HECW1: variants seen among roughly 807,000 people sequenced by gnomAD.
HECW1 encodes the protein E3 ubiquitin-protein ligase HECW1.
Under a neutral mutation model 182.3 loss-of-function variants are expected in HECW1, and 61 were observed. The ratio of observed to expected loss-of-function variants is 0.33; its 90% CI spans 0.27 to 0.41. The LOEUF is 0.41. HECW1 is among the 10% of genes least tolerant of loss of function. The probability of loss-of-function intolerance (pLI) is 1.00; values close to 1 mark genes in which losing one functional copy is unlikely to be tolerated. For synonymous variants in HECW1, 859 were observed against 832.6 expected (o/e 1.03, Z -0.55); for missense variants, 1,739 against 2,108.9 (o/e 0.82, Z 3.44).
chr7:43,442,161 T>C (rs1466079314), intron 9 of HECW1, among the ~76,000 whole-genome samples: 4 of 152,250 alleles, frequency 2.6e-5, no homozygotes, highest in Non-Finnish European at 5.9e-5. Flanking sequence ...AGATATCCAA[T>C]ACTTTATTAT....
intron 3 of HECW1, among the ~76,000 whole-genome samples, chr7:43,279,058 A>G (rs573899625): frequency 6.6e-6 from 1 of 152,290 alleles, no homozygotes; most frequent in South Asian, 2.1e-4. Flanking sequence ...AGTGATTGAG[A>G]GCAAGGACAG....
At chr7:43,345,851 CAT>C (rs147225359) in intron 5 of HECW1, among the ~76,000 whole-genome samples, 7 of 150,810 alleles carry the variant, frequency 4.6e-5, no homozygotes, top group East Asian at 1.9e-4. Context: ...ACACACACAT[CAT>C]ATATATATAT....
At chr7:43,252,814 GC>G (rs1256374311) in intron 3 of HECW1, among the ~76,000 whole-genome samples, 1 of 152,206 alleles carries the variant, frequency 6.6e-6, no homozygotes, top group Non-Finnish European at 1.5e-5. Context: ...AAGTAGTCTT[GC>G]AGTGTAGTTT....
chr7:43,428,636 A>T (rs148191058), intron 8 of HECW1, among the ~76,000 whole-genome samples: 1 of 152,352 alleles, frequency 6.6e-6, no homozygotes, highest in African/African-American at 2.4e-5. Flanking sequence ...ACCAAGGTTG[A>T]CCAAGATATA....
intron 8 of HECW1, among the ~76,000 whole-genome samples, chr7:43,429,635 A>T (rs549751741): frequency 6.6e-6 from 1 of 152,270 alleles, no homozygotes; most frequent in South Asian, 2.1e-4. Context: ...GTGCCACCTG[A>T]ACTGAAAGTC....
At chr7:43,430,183 G>A (rs1361732663) in intron 8 of HECW1, among the ~76,000 whole-genome samples, 1 of 152,112 alleles carries the variant, frequency 6.6e-6, no homozygotes, top group Non-Finnish European at 1.5e-5. Context: ...AAAATAGTAA[G>A]TGAAAATACT....
At position 43,198,340 on chromosome 7, in the gene HECW1, C is replaced by T. The variant is rs1266227944; in HGVS notation, c.-31-45535C>T. On this transcript the variant is annotated intron_variant, in intron 2 of 29. Transcript: ENST00000395891. ...GTCACTTACACACACATCCTACATACACTCATCATAGTCACACACCCCACG... is the reference window on the plus strand; with the variant it reads ...GTCACTTACACACACATCCTACATATACTCATCATAGTCACACACCCCACG... Among the ~76,000 whole-genome samples, 6 of 149,622 alleles carry T rather than the reference C, an allele frequency of 4.0e-5. No homozygotes were observed. In the South Asian group the frequency reaches 1.3e-3, roughly 32 times the overall value.
At chr7:43,187,489 A>T (rs1036865801) in intron 2 of HECW1, among the ~76,000 whole-genome samples, 2 of 151,966 alleles carry the variant, frequency 1.3e-5, no homozygotes. Context: ...TTACTTTTTA[A>T]TAGTTCATTA....
chr7:43,518,220 C>A (rs1585166250), intron 24 of HECW1, among the ~76,000 whole-genome samples: 1 of 152,230 alleles, frequency 6.6e-6, no homozygotes, highest in Middle Eastern at 3.4e-3. Context: ...AAAGGCCGGG[C>A]ACAGTGGCTC....
chr7:43,328,319 A>AAACAAAC (rs151256488), intron 5 of HECW1, among the ~76,000 whole-genome samples: 50,771 of 151,684 alleles, frequency 0.33, 9,179 homozygotes, highest in Middle Eastern at 0.49. Context: ...AAAAAACAAA[A>AAACAAAC]AACAAAAAAA....
At chr7:43,349,123 C>T (rs2152804987) in intron 5 of HECW1, among the ~76,000 whole-genome samples, 1 of 152,288 alleles carries the variant, frequency 6.6e-6, no homozygotes, top group East Asian at 1.9e-4. Flanking sequence ...CAACCTTTGC[C>T]TCCCAGGTTC....
intron 7 of HECW1, among the ~76,000 whole-genome samples, chr7:43,404,702 G>A (rs553945929): frequency 4.6e-5 from 7 of 152,004 alleles, no homozygotes; most frequent in Admixed American, 2.6e-4. Context: ...ACTTTGGGCC[G>A]GGCACAGTGG....
chr7:43,522,193 C>G (rs1032482541), intron 24 of HECW1: 1 of 152,164 alleles, frequency 6.6e-6, no homozygotes, highest in Non-Finnish European at 1.5e-5. Context: ...CAGGAATGAA[C>G]TAAGACACTC....
intron 6 of HECW1, among the ~76,000 whole-genome samples, chr7:43,366,839 G>T (rs983623944): frequency 4.6e-5 from 7 of 152,156 alleles, no homozygotes; most frequent in Admixed American, 6.5e-5. Flanking sequence ...TTTGTTCTCT[G>T]TTTAATTGGG....
Position 43,562,733 on chromosome 7 carries a change from A to G in HECW1, c.*807A>G, listed in dbSNP as rs1486619898. 4.5e-6 allele frequency: 1 copy of G among 219,908 alleles called. No homozygotes were observed. Among genetic ancestry groups the G allele is most frequent in the African/African-American group, 2.2e-5 (1 of 44,536 alleles). The allele number at this position is 219,908 out of a possible 1,614,324, so 13.6% of individuals were successfully genotyped here. A position where few individuals can be genotyped will look rare whatever the true frequency, so the allele number is the denominator to read the frequency against. On this transcript the variant is annotated 3_prime_UTR_variant, in exon 30 of 30. Transcript: ENST00000395891. ...ACTTGTGCACATGTCCAAGAAAGAA[A>G]GCTTCTTGATTGAGGTAGCATGAAG...
chr7:43,554,494 G>A (rs756114272), intron 28 of HECW1, 98 bp from the exon 29 acceptor site: 22 of 1,080,574 alleles, frequency 2.0e-5, no homozygotes, highest in African/African-American at 4.7e-5. Context: ...CAGCGGTTCC[G>A]TTCCTATCAT....
At chr7:43,227,495 T>C (rs1308975936) in intron 2 of HECW1, among the ~76,000 whole-genome samples, 1 of 152,100 alleles carries the variant, frequency 6.6e-6, no homozygotes, top group Non-Finnish European at 1.5e-5. Flanking sequence ...GTACAAAACT[T>C]TACTAAGAAA....
chr7:43,239,217 C>A (rs1476561230), intron 2 of HECW1: 1 of 152,234 alleles, frequency 6.6e-6, no homozygotes, highest in Non-Finnish European at 1.5e-5. Context: ...CTTCATCCCA[C>A]CTCTTGGGCT....
chr7:43,221,368 T>G (rs1022573443), intron 2 of HECW1, among the ~76,000 whole-genome samples: 1 of 151,978 alleles, frequency 6.6e-6, no homozygotes, highest in African/African-American at 2.4e-5. Flanking sequence ...GGATGAAATA[T>G]GTACCAATCA....
Sources: allele counts gnomAD v4.1 joint callset (sites outside exome capture counted in the v4.1 genomes callset), GRCh38; gene constraint gnomAD v4.1.1; transcripts MANE v1.5; gene names NCBI Gene and HGNC (gene_info 2026-07-23, HGNC 2026-07-21).